Variants in PCDHGA11 observed in about 807,000 individuals in gnomAD.
The protein encoded by PCDHGA11 is protocadherin gamma-A11.
A neutral mutation model predicts 60.4 loss-of-function variants in PCDHGA11; 39 were observed. The ratio of observed to expected loss-of-function variants is 0.65; its 90% CI spans 0.50 to 0.84. The LOEUF (loss-of-function observed/expected upper bound fraction) is 0.84, where lower values mean the gene tolerates loss of function less well. Ranked by LOEUF, PCDHGA11 falls within the 40% of genes least tolerant of loss-of-function variation. The pLI is 0.00. For missense variants in PCDHGA11, 1,165 were observed against 1,197.7 expected (o/e 0.97, Z 0.40); for synonymous variants, 533 against 510.3 (o/e 1.04, Z -0.60).
chr5:141,500,461 G>A (rs1343646600), intron 2 of PCDHGA11, among the ~76,000 whole-genome samples: 1 of 151,910 alleles, frequency 6.6e-6, no homozygotes, highest in Non-Finnish European at 1.5e-5. Flanking sequence ...CGCCCGCCTC[G>A]GCCTCCCAAA....
At chr5:141,427,352 G>A (rs982774903) in intron 1 of PCDHGA11, 3 of 457,474 alleles carry the variant, frequency 6.6e-6, no homozygotes, top group African/African-American at 6.0e-5. Flanking sequence ...CTGTAACTGA[G>A]GACGCAGAAC....
chr5:141,433,939 A>T (rs1015984226), intron 1 of PCDHGA11, among the ~76,000 whole-genome samples: 2 of 151,714 alleles, frequency 1.3e-5, no homozygotes, highest in Non-Finnish European at 2.9e-5. Context: ...TTATAATTCC[A>T]TTGTTTCTTC....
At position 141,485,565 on chromosome 5, in the gene PCDHGA11, C is replaced by T. The variant is rs1213821989; in HGVS notation, c.2434-9242C>T. The T allele has an allele frequency of 2.5e-6, 4 of 1,612,946 alleles. No homozygotes were observed. Among genetic ancestry groups the T allele is most frequent in the Non-Finnish European group, 2.5e-6 (3 of 1,179,042 alleles). On this transcript the variant is annotated intron_variant, in intron 1 of 3. Coordinates refer to ENST00000398587, the MANE Select transcript of PCDHGA11 (RefSeq NM_018914.3). The surrounding 1 kb of genome is among the most constrained non-coding windows in gnomAD (Gnocchi z 5.7). ...ATCGTAGATGTGAATGATCACGCCCCCCGTTTTCCGCGGCAGCAGCTGGAC... is the reference window on the plus strand; with the variant it reads ...ATCGTAGATGTGAATGATCACGCCCTCCGTTTTCCGCGGCAGCAGCTGGAC...
rs1305419943 is a variant in PCDHGA11, at chr5:141,438,625, T to C, written c.2433+14965T>C. Among the ~76,000 whole-genome samples the C allele has an allele frequency of 9.7e-4, 45 of 46,410 alleles. 2 individuals are homozygous for C. Among genetic ancestry groups the C allele is most frequent in the Admixed American group, 2.2e-3 (7 of 3,192 alleles). The allele number at this position is 46,410 out of a possible 152,430, so 30.4% of individuals were successfully genotyped here. On this transcript the variant is annotated intron_variant, in intron 1 of 3. Coordinates refer to ENST00000398587, the MANE Select transcript of PCDHGA11 (RefSeq NM_018914.3). The stretch of plus-strand genomic sequence containing the variant: ...ATATATATATATATATATATATATA[T>C]ATATATATATACACACACACACACA...
intron 1 of PCDHGA11, among the ~76,000 whole-genome samples, chr5:141,461,968 C>A (rs2099027589): frequency 6.6e-6 from 1 of 152,204 alleles, no homozygotes; most frequent in African/African-American, 2.4e-5. Context: ...GGATTCCAGG[C>A]ATATGCCACC....
chr5:141,484,697 T>C (rs746981788), intron 1 of PCDHGA11, among the ~76,000 whole-genome samples: 11 of 151,988 alleles, frequency 7.2e-5, no homozygotes, highest in Non-Finnish European at 1.3e-4. Context: ...AGGCTGTGGC[T>C]GTTTTCCCCG....
chr5:141,487,438 G>A lies in PCDHGA11; in HGVS notation c.2434-7369G>A, dbSNP rs2154580826. 6 of 1,614,174 alleles carry A rather than the reference G, an allele frequency of 3.7e-6. No individual in the cohort carries two copies. Among genetic ancestry groups the A allele is most frequent in the East Asian group, 2.2e-5 (1 of 44,866 alleles). On this transcript the variant is annotated intron_variant, in intron 1 of 3. Transcript: ENST00000398587. This position sits in a 1 kb window ranked among gnomAD's most constrained non-coding sequence, Gnocchi z 5.0. The stretch of plus-strand genomic sequence containing the variant: ...ATGGGATCCTCCGAATCCAGCTAGG[G>A]TCAGATGACCCTATCAAGTTTGTTG...
Position 141,422,129 on chromosome 5 carries a change from A to T in PCDHGA11, c.902A>T (p.Glu301Val). The T allele has an allele frequency of 6.3e-7, 1 of 1,599,702 alleles. No homozygotes were observed. The highest frequency in any genetic ancestry group is 2.2e-5 in the East Asian group (1 of 44,818). Residue 301 changes from glutamate to valine, a missense_variant, in exon 1 of 4, where the codon GAA (glutamate) becomes GTA (valine). Coordinates refer to ENST00000398587, the MANE Select transcript of PCDHGA11 (RefSeq NM_018914.3). ...TTCCAATTGGATTCACAAACTGGAG[A>T]AGTTCAAGTACGGGGGTCTCTGGAT... ...EIFQLDSQTG[E>V]VQVRGSLDFE...
At chr5:141,428,407 T>C in intron 1 of PCDHGA11, 1 of 470,350 alleles carries the variant, frequency 2.1e-6, no homozygotes, top group South Asian at 2.0e-5. Context: ...CTGGGGTTGC[T>C]TTCACCCTGG....
Position 141,490,778 on chromosome 5 carries a change from A to T in PCDHGA11, c.2434-4029A>T, listed in dbSNP as rs964301520. The T allele has an allele frequency of 5.6e-6, 9 of 1,614,098 alleles. No individual in the cohort carries two copies. The highest frequency in any genetic ancestry group is 7.6e-6 in the Non-Finnish European group (9 of 1,179,962). On this transcript the variant is annotated intron_variant, in intron 1 of 3. Transcript: ENST00000398587. This position sits in a 1 kb window ranked among gnomAD's most constrained non-coding sequence, Gnocchi z 5.4. ...TCCTTTGTGTATGTCAACCCAGAGG[A>T]TGGACGGATCTTTGCCCAGCGTACC... is the stretch of plus-strand genomic sequence containing the variant.
intron 1 of PCDHGA11, among the ~76,000 whole-genome samples, chr5:141,492,341 C>T (rs2099739551): frequency 6.6e-6 from 1 of 152,222 alleles, no homozygotes; most frequent in East Asian, 1.9e-4. Flanking sequence ...CGAATACCAG[C>T]TTTCACTGCC....
Position 141,422,764 on chromosome 5 carries a change from G to A in PCDHGA11, c.1537G>A (p.Gly513Ser). ...CTATGTCTCTATTAACTCCAACACT[G>A]GTGTTCTCTATGCCCTACAATCCTT... is the stretch of plus-strand genomic sequence containing the variant. ...SSYVSINSNTGVLYALQSFDY... is the reference protein window; with the variant it reads ...SSYVSINSNTSVLYALQSFDY... Residue 513 changes from glycine to serine, a missense_variant, in exon 1 of 4, where the codon GGT becomes AGT. Transcript: ENST00000398587. 2 of 1,613,582 alleles carry A rather than the reference G, an allele frequency of 1.2e-6. No individual in the cohort carries two copies. The highest frequency in any genetic ancestry group is 8.5e-7 in the Non-Finnish European group (1 of 1,179,652).
chr5:141,485,172 CA>C lies in PCDHGA11; in HGVS notation c.2434-9633del. 6.2e-7 allele frequency: 1 copy of C among 1,610,166 alleles called. No individual in the cohort carries two copies. Among genetic ancestry groups the C allele is most frequent in the Non-Finnish European group, 8.5e-7 (1 of 1,176,940 alleles). On this transcript the variant is annotated intron_variant, in intron 1 of 3. Coordinates refer to ENST00000398587, the MANE Select transcript of PCDHGA11 (RefSeq NM_018914.3). The surrounding 1 kb of genome is among the most constrained non-coding windows in gnomAD (Gnocchi z 5.7). ...CAAGTAGAGAATTAGCGGGCGGCAG[CA>C]ATGCTCCGCAAGGTGAGAAGCTGGA...
Position 141,490,051 on chromosome 5 carries a change from G to C in PCDHGA11, c.2434-4756G>C, listed in dbSNP as rs779280988. 1 of 1,614,214 alleles carries C rather than the reference G, an allele frequency of 6.2e-7. No individual in the cohort carries two copies. The highest frequency in any genetic ancestry group is 1.1e-5 in the South Asian group (1 of 91,082). On this transcript the variant is annotated intron_variant, in intron 1 of 3. Coordinates refer to ENST00000398587, the MANE Select transcript of PCDHGA11 (RefSeq NM_018914.3). The surrounding 1 kb of genome is among the most constrained non-coding windows in gnomAD (Gnocchi z 5.4). Reference sequence around the variant, plus strand: ...CCGCCTCAATGCCACTGATCCAGACGAGGGCACCAACGGCCAACTAGACTA... The same window carrying C: ...CCGCCTCAATGCCACTGATCCAGACCAGGGCACCAACGGCCAACTAGACTA...
chr5:141,495,415 C>T (rs1385371906), intron 2 of PCDHGA11, among the ~76,000 whole-genome samples: 1 of 152,194 alleles, frequency 6.6e-6, no homozygotes, highest in Admixed American at 6.5e-5. Context: ...TTCTCCGGCC[C>T]CTCCTCCCAC....
chr5:141,476,601 C>A lies in PCDHGA11; in HGVS notation c.2434-18206C>A. On this transcript the variant is annotated intron_variant, in intron 1 of 3. Coordinates refer to ENST00000398587, the MANE Select transcript of PCDHGA11 (RefSeq NM_018914.3). The surrounding 1 kb of genome is among the most constrained non-coding windows in gnomAD (Gnocchi z 7.6). ...TTTCCGCTCGAGAGCGCGCACGATC[C>A]CGATGTGGGAAGCAACTCTTTACAA... The A allele has an allele frequency of 6.2e-7, 1 of 1,614,228 alleles. No homozygotes were observed. The highest frequency in any genetic ancestry group is 2.2e-5 in the East Asian group (1 of 44,878).
Position 141,422,869 on chromosome 5 carries a change from T to A in PCDHGA11, c.1642T>A (p.Ser548Thr). Residue 548 changes from serine to threonine, a missense_variant, in exon 1 of 4, where the codon TCG (serine) becomes ACG (threonine). Physicochemically the swap from Ser to Thr is moderately conservative, Grantham distance 58 (BLOSUM62 1). Coordinates refer to ENST00000398587, the MANE Select transcript of PCDHGA11 (RefSeq NM_018914.3). The part of the protein sequence containing the change: ...SGDPPLSSNV[S>T]LSLFVLDQND... ...GGACCCGCCCCTCAGCAGCAACGTG[T>A]CGCTGAGCCTGTTCGTGCTGGACCA... The A allele has an allele frequency of 1.2e-6, 2 of 1,614,202 alleles. No individual in the cohort carries two copies. Among genetic ancestry groups the A allele is most frequent in the Non-Finnish European group, 1.7e-6 (2 of 1,180,032 alleles).
Position 141,431,151 on chromosome 5 carries a change from C to T in PCDHGA11, c.2433+7491C>T, listed in dbSNP as rs764416448. The T allele has an allele frequency of 6.2e-7, 1 of 1,614,126 alleles. No individual in the cohort carries two copies. Among genetic ancestry groups the T allele is most frequent in the African/African-American group, 1.3e-5 (1 of 74,954 alleles). On this transcript the variant is annotated intron_variant, in intron 1 of 3. Coordinates refer to ENST00000398587, the MANE Select transcript of PCDHGA11 (RefSeq NM_018914.3). The surrounding 1 kb of genome is among the most constrained non-coding windows in gnomAD (Gnocchi z 4.8). ...GTAAGGGACATTAACGACAATGCGC[C>T]TTACTTTCGTGAAAGTGAATTAGAA...
chr5:141,458,972 GTCC>G (rs2154566422), intron 1 of PCDHGA11, among the ~76,000 whole-genome samples: 1 of 151,882 alleles, frequency 6.6e-6, no homozygotes, highest in East Asian at 1.9e-4. Context: ...GCCTCAAGCA[GTCC>G]TCCTGCCTCA....
Sources: allele counts gnomAD v4.1 joint callset (sites outside exome capture counted in the v4.1 genomes callset), GRCh38; gene constraint gnomAD v4.1.1; non-coding constraint Gnocchi (gnomAD v3.1); transcripts MANE v1.5; gene names NCBI Gene and HGNC (gene_info 2026-07-23, HGNC 2026-07-21).